SLC24A4: variants seen among roughly 807,000 people sequenced by gnomAD.
The protein encoded by SLC24A4 is solute carrier family 24 member 4, also known as sodium/potassium/calcium exchanger 4.
Under a neutral mutation model 79.0 loss-of-function variants are expected in SLC24A4, and 53 were observed. The ratio of observed to expected loss-of-function variants is 0.67; its 90% CI spans 0.54 to 0.84. The LOEUF (loss-of-function observed/expected upper bound fraction) is 0.84. Ranked by LOEUF, SLC24A4 falls within the 40% of genes least tolerant of loss-of-function variation. SLC24A4 has a pLI of 0.00. For missense variants in SLC24A4, 731 were observed against 822.0 expected, an observed-to-expected ratio of 0.89 and a Z score of 1.35; for synonymous variants, 323 against 323.8, an observed-to-expected ratio of 1.00 and a Z score of 0.03.
intron 2 of SLC24A4, among the ~76,000 whole-genome samples, chr14:92,344,791 C>A (rs1886430917): frequency 6.6e-6 from 1 of 152,084 alleles, no homozygotes; most frequent in Non-Finnish European, 1.5e-5. Context: ...CACTTTCTTT[C>A]CAGGGAGGGA....
intron 2 of SLC24A4, among the ~76,000 whole-genome samples, chr14:92,341,118 A>C (rs779201731): frequency 8.5e-5 from 13 of 152,208 alleles, no homozygotes; most frequent in Non-Finnish European, 1.8e-4. Context: ...CAGCAGGCAA[A>C]GTGGCAGCGG....
rs576314465 is a variant in SLC24A4, at chr14:92,486,276, C to T, written c.1423-390C>T. Among the ~76,000 whole-genome samples the T allele has an allele frequency of 2.7e-4, 41 of 152,316 alleles. 1 individual carries two copies. In the South Asian group the frequency reaches 8.3e-3, roughly 31 times the overall value. The stretch of plus-strand genomic sequence containing the variant: ...AGAAGAAATGACTTCTGTAAAGTCA[C>T]ACAGACAGGCAGGGCAGAGCCAAGA... On this transcript the variant is annotated intron_variant, in intron 13 of 16. Transcript: ENST00000532405.
At chr14:92,485,494 A>AT (rs200145681) in intron 13 of SLC24A4, among the ~76,000 whole-genome samples, 1 of 151,784 alleles carries the variant, frequency 6.6e-6, no homozygotes, top group African/African-American at 2.4e-5. Flanking sequence ...AAAAAAAAAA[A>AT]CTCCCTAGAA....
intron 2 of SLC24A4, among the ~76,000 whole-genome samples, chr14:92,431,630 T>C (rs971138343): frequency 6.6e-6 from 1 of 152,222 alleles, no homozygotes; most frequent in Non-Finnish European, 1.5e-5. Flanking sequence ...TTGATGTCCA[T>C]GCCAGGGCAT....
At chr14:92,467,408 C>T (rs1166193454) in intron 12 of SLC24A4, among the ~76,000 whole-genome samples, 2 of 152,196 alleles carry the variant, frequency 1.3e-5, no homozygotes, top group African/African-American at 4.8e-5. Flanking sequence ...ACTTCATCAA[C>T]CTGACTAATG....
chr14:92,445,473 A>G (rs113741891), intron 8 of SLC24A4, 131 bp downstream of exon 8: 52 of 1,037,358 alleles, frequency 5.0e-5, no homozygotes, highest in African/African-American at 4.1e-4. Flanking sequence ...TGAAAGTGAA[A>G]AAAAGATATT....
chr14:92,459,161 C>T (rs1338291542), intron 12 of SLC24A4, among the ~76,000 whole-genome samples: 3 of 152,204 alleles, frequency 2.0e-5, no homozygotes, highest in Non-Finnish European at 1.5e-5. Context: ...GTCATCCTTA[C>T]CTAAGCAAGT....
In SLC24A4 at chr14:92,378,346, T is replaced by C. The variant is rs147971767; in HGVS notation, c.241+52368T>C. On this transcript the variant is annotated intron_variant, in intron 2 of 16. Coordinates refer to ENST00000532405, the MANE Select transcript of SLC24A4 (RefSeq NM_153646.4). ...GCGGACACATGCCTGCCATATTTCA[T>C]AGACAGGGCCAAATGGTTTTCCAAA... 8.4e-3 allele frequency among the ~76,000 whole-genome samples: 1,283 copies of C among 152,334 alleles called. 21 individuals are homozygous for C. Among genetic ancestry groups the C allele is most frequent in the African/African-American group, 0.03 (1,241 of 41,554 alleles).
At position 92,323,818 on chromosome 14, in the gene SLC24A4, C is replaced by G. The variant is rs767647500; in HGVS notation, c.-13C>G. 2 of 1,559,118 alleles carry G rather than the reference C, an allele frequency of 1.3e-6. No homozygotes were observed. Among genetic ancestry groups the G allele is most frequent in the Non-Finnish European group, 1.7e-6 (2 of 1,159,602 alleles). On this transcript the variant is annotated 5_prime_UTR_variant, in exon 1 of 17. Transcript: ENST00000532405. This position sits in a 1 kb window ranked among gnomAD's most constrained non-coding sequence, Gnocchi z 4.9. ...CCCATCCTCTCCCAGAGACGGCACC[C>G]AGGCGCTCCGGGATGGCGCTCCGCG...
At chr14:92,360,834 G>A (rs1272515481) in intron 2 of SLC24A4, among the ~76,000 whole-genome samples, 5 of 152,162 alleles carry the variant, frequency 3.3e-5, no homozygotes, top group African/African-American at 1.2e-4. Flanking sequence ...CCACCACACA[G>A]CCACGTTACC....
chr14:92,342,478 G>A (rs558289721), intron 2 of SLC24A4, among the ~76,000 whole-genome samples: 1 of 152,008 alleles, frequency 6.6e-6, no homozygotes, highest in South Asian at 2.1e-4. Flanking sequence ...CTGCCTCCCG[G>A]GTTCAAGTGA....
chr14:92,377,732 C>T (rs1023867808), intron 2 of SLC24A4, among the ~76,000 whole-genome samples: 2 of 151,998 alleles, frequency 1.3e-5, no homozygotes, highest in East Asian at 1.9e-4. Flanking sequence ...TGCCAGTGGG[C>T]TAGGCTGTCA....
At chr14:92,401,856 G>T (rs966116344) in intron 2 of SLC24A4, among the ~76,000 whole-genome samples, 6 of 152,128 alleles carry the variant, frequency 3.9e-5, no homozygotes, top group African/African-American at 9.7e-5. Flanking sequence ...CCTACCAAAT[G>T]CTCCAGCCTT....
chr14:92,483,889 A>G (rs192277121), intron 13 of SLC24A4: 13 of 1,287,796 alleles, frequency 1.0e-5, no homozygotes, highest in Non-Finnish European at 1.3e-5. Context: ...GACATGAGAG[A>G]CAGCAGGGCC....
intron 7 of SLC24A4, 91 bp downstream of exon 7, chr14:92,443,565 C>CAG: frequency 7.6e-7 from 1 of 1,308,542 alleles, no homozygotes; most frequent in Non-Finnish European, 1.1e-6. Flanking sequence ...GCACTGTGAC[C>CAG]AGAGAGGACT....
chr14:92,453,060 A>G (rs186166805), intron 10 of SLC24A4: 4 of 152,330 alleles, frequency 2.6e-5, no homozygotes, highest in Non-Finnish European at 4.4e-5. Flanking sequence ...AGACCCTCCT[A>G]GGGATCTGGA....
At position 92,411,349 on chromosome 14, in the gene SLC24A4, G is replaced by A. The variant is rs530769582; in HGVS notation, c.242-22563G>A. On this transcript the variant is annotated intron_variant, in intron 2 of 16. Coordinates refer to ENST00000532405, the MANE Select transcript of SLC24A4 (RefSeq NM_153646.4). Reference sequence around the variant, plus strand: ...TCCTCCCACCCACCCCATGATCAGGGTTGAGAAGCCCAGCCAGAGCTCCAG... The same window carrying A: ...TCCTCCCACCCACCCCATGATCAGGATTGAGAAGCCCAGCCAGAGCTCCAG... 3.3e-5 allele frequency among the ~76,000 whole-genome samples: 5 copies of A among 152,286 alleles called. No homozygotes were observed. The South Asian group carries it at 1.0e-3, about 32-fold the overall frequency.
chr14:92,450,344 G>C (rs1893064656), intron 10 of SLC24A4: 1 of 152,060 alleles, frequency 6.6e-6, no homozygotes, highest in African/African-American at 2.4e-5. Context: ...CATTTTGGGA[G>C]TCTGTTCTGC....
intron 2 of SLC24A4, among the ~76,000 whole-genome samples, chr14:92,412,861 G>A (rs905219715): frequency 2.0e-5 from 3 of 152,126 alleles, no homozygotes; most frequent in Admixed American, 6.5e-5. Context: ...TTTGGAATAC[G>A]TCCTGCAAGC....
Sources: gnomAD v4.1 joint callset for allele counts (sites outside exome capture counted in the v4.1 genomes callset) on GRCh38, gnomAD v4.1.1 for gene constraint, Gnocchi (gnomAD v3.1) non-coding constraint, MANE v1.5 for transcripts, NCBI Gene and HGNC (gene_info 2026-07-23, HGNC 2026-07-21) for gene names.